The following ATF3 variants were observed in gnomAD, a reference collection of about 807,000 sequenced individuals.
ATF3 encodes the protein cyclic AMP-dependent transcription factor ATF-3.
Under a neutral mutation model 18.4 loss-of-function variants are expected in ATF3, and 10 were observed. The observed-to-expected ratio is 0.54, with a 90% CI of 0.34 to 0.92. The LOEUF (loss-of-function observed/expected upper bound fraction) is 0.92, where lower values mean the gene tolerates loss of function less well. Ranked by LOEUF, ATF3 falls within the 40% of genes least tolerant of loss-of-function variation. The probability of loss-of-function intolerance (pLI) is 0.02; values close to 1 mark genes in which losing one functional copy is unlikely to be tolerated. For synonymous variants in ATF3, 78 were observed against 87.9 expected, an observed-to-expected ratio of 0.89 and a Z score of 0.63; for missense variants, 183 against 222.3, an observed-to-expected ratio of 0.82 and a Z score of 1.12.
At chr1:212,582,113 T>G (rs1167222119) in intron 1 of ATF3, among the ~76,000 whole-genome samples, 1 of 152,170 alleles carries the variant, frequency 6.6e-6, no homozygotes, top group Non-Finnish European at 1.5e-5. Flanking sequence ...CAGGTAAGCA[T>G]GAATTTCAAA....
chr1:212,572,443 C>T (rs986932345), intron 1 of ATF3, among the ~76,000 whole-genome samples: 1 of 152,082 alleles, frequency 6.6e-6, no homozygotes, highest in Non-Finnish European at 1.5e-5. Context: ...GGCTTGAACC[C>T]GGGAGGCGGA....
At chr1:212,597,774 C>T (rs145763111) in intron 1 of ATF3, among the ~76,000 whole-genome samples, 2 of 151,708 alleles carry the variant, frequency 1.3e-5, no homozygotes, top group East Asian at 1.9e-4. Context: ...GATGAGTACA[C>T]TTTGGATTTC....
At chr1:212,571,789 G>C (rs1664487683) in intron 1 of ATF3, among the ~76,000 whole-genome samples, 2 of 148,808 alleles carry the variant, frequency 1.3e-5, no homozygotes, top group Non-Finnish European at 3.0e-5. Flanking sequence ...TCGGCCCACT[G>C]CAAGCTCCGC....
At chr1:212,609,324 C>G (rs751656307) in intron 1 of ATF3, among the ~76,000 whole-genome samples, 1 of 150,566 alleles carries the variant, frequency 6.6e-6, no homozygotes, top group Non-Finnish European at 1.5e-5. Flanking sequence ...CGCCGTCCCG[C>G]TCCATCCCTC....
At chr1:212,574,471 TATA>T (rs1664538685) in intron 1 of ATF3, among the ~76,000 whole-genome samples, 1 of 152,088 alleles carries the variant, frequency 6.6e-6, no homozygotes, top group Non-Finnish European at 1.5e-5. Flanking sequence ...TCTCCTGTTC[TATA>T]ATATCTTTTC....
rs893334506 is a variant in ATF3 at position 212,575,644 on chromosome 1, T to C, written c.-5+10161T>C. Among the ~76,000 whole-genome samples, 18 of 152,264 alleles carry C rather than the reference T, an allele frequency of 1.2e-4. 1 individual carries two copies. The South Asian group carries it at 3.5e-3, about 30-fold the overall frequency. On this transcript the variant is annotated intron_variant, in intron 1 of 3. Transcript: ENST00000366981. ...TACCAATTAATATAATATTTGCTTG[T>C]AGAGTTTTGATGTATAGCCTTTGTC...
At chr1:212,613,194 G>T (rs1029464598) in intron 1 of ATF3, among the ~76,000 whole-genome samples, 2 of 152,128 alleles carry the variant, frequency 1.3e-5, no homozygotes, top group African/African-American at 4.8e-5. Context: ...GTGACATAAA[G>T]ATTAGCAGTT....
Position 212,618,308 on chromosome 1 carries a change from A to G in ATF3, c.348+74A>G, listed in dbSNP as rs1229604786. 2 of 1,473,614 alleles carry G rather than the reference A, an allele frequency of 1.4e-6. No individual in the cohort carries two copies. Among genetic ancestry groups the G allele is most frequent in the Non-Finnish European group, 1.9e-6 (2 of 1,053,138 alleles). The allele number at this position is 1,473,614 out of a possible 1,614,324, so 91.3% of individuals were successfully genotyped here. A position where few individuals can be genotyped will look rare whatever the true frequency, so the allele number is the denominator to read the frequency against. On this transcript the variant is annotated intron_variant, in intron 3 of 3. Transcript: ENST00000341491. This position sits in a 1 kb window ranked among gnomAD's most constrained non-coding sequence, Gnocchi z 4.4. The stretch of plus-strand genomic sequence containing the variant: ...CCAGCTTCATGTGGCTATCAGAAGA[A>G]GAGTTAGAAAACCCCCTACTTGGTT...
At chr1:212,580,576 G>A (rs992549995) in intron 1 of ATF3, among the ~76,000 whole-genome samples, 1 of 152,078 alleles carries the variant, frequency 6.6e-6, no homozygotes, top group Non-Finnish European at 1.5e-5. Context: ...AAAGCACTGG[G>A]ATTACAGGCG....
intron 1 of ATF3, among the ~76,000 whole-genome samples, chr1:212,575,085 A>C (rs78027045): frequency 0.027 from 4,077 of 152,134 alleles, 188 homozygotes; most frequent in African/African-American, 0.091. Flanking sequence ...GAGATGGCTA[A>C]TATTTTTATG....
In ATF3 at chr1:212,609,552, G is replaced by A. The variant is rs187281469; in HGVS notation, c.-5+622G>A. Reference sequence around the variant, plus strand: ...GCGGCAGGACCGTGAAGGCAACCCCGAGAAAAAGTTAGCTGGGATAAGCTT... The same window carrying A: ...GCGGCAGGACCGTGAAGGCAACCCCAAGAAAAAGTTAGCTGGGATAAGCTT... On this transcript the variant is annotated intron_variant, in intron 1 of 3. Coordinates refer to ENST00000341491, the MANE Select transcript of ATF3 (RefSeq NM_001674.4). 9.2e-5 allele frequency among the ~76,000 whole-genome samples: 14 copies of A among 152,342 alleles called. No individual in the cohort carries two copies. The East Asian group carries it at 2.5e-3, about 27-fold the overall frequency.
intron 1 of ATF3, among the ~76,000 whole-genome samples, chr1:212,600,096 C>T (rs755377368): frequency 3.9e-5 from 6 of 152,344 alleles, no homozygotes; most frequent in East Asian, 1.9e-4. Flanking sequence ...GAACAACATA[C>T]GAGAGTGGGG....
At chr1:212,597,111 A>C (rs1479423355) in intron 1 of ATF3, among the ~76,000 whole-genome samples, 1 of 152,216 alleles carries the variant, frequency 6.6e-6, no homozygotes, top group East Asian at 1.9e-4. Flanking sequence ...TGAGAGAAAG[A>C]GGTGGTTTGT....
At position 212,618,131 on chromosome 1, in the gene ATF3, C is replaced by T. The variant is rs1003046898; in HGVS notation, c.245C>T (p.Ala82Val). The change falls in exon 3 of 4, where the codon GCC becomes GTC. Residue 82 changes from alanine to valine, a missense_variant. By Grantham distance (64) the Ala-to-Val change is moderately conservative. Coordinates refer to ENST00000341491, the MANE Select transcript of ATF3 (RefSeq NM_001674.4). This position sits in a 1 kb window ranked among gnomAD's most constrained non-coding sequence, Gnocchi z 4.4. ...LGVSITKAEV[A>V]PEEDERKKRR... is the part of the protein sequence containing the mutation. ...TGTTTCTTTTGGATTTTACAGGTAG[C>T]CCCTGAAGAAGATGAAAGGAAAAAG... 1.2e-6 allele frequency: 2 copies of T among 1,613,994 alleles called. No homozygotes were observed. Among genetic ancestry groups the T allele is most frequent in the East Asian group, 4.5e-5 (2 of 44,876 alleles).
At chr1:212,586,890 A>G (rs1191690507) in intron 1 of ATF3, among the ~76,000 whole-genome samples, 5 of 152,178 alleles carry the variant, frequency 3.3e-5, no homozygotes, top group Non-Finnish European at 5.9e-5. Context: ...AGTTTCACCC[A>G]AGTCCCTGCA....
At position 212,619,585 on chromosome 1, in the gene ATF3, TC is replaced by T. The variant is rs2102668214; in HGVS notation, c.*32del. 2 of 1,611,150 alleles carry T rather than the reference TC, an allele frequency of 1.2e-6. No individual in the cohort carries two copies. Among genetic ancestry groups the T allele is most frequent in the East Asian group, 4.5e-5 (2 of 44,786 alleles). Reference sequence around the variant, plus strand: ...TCGTGGTATGGGGGCGACTGGGGAGTCCTCATTGAATCCTCATTTTATACCC... The same window carrying T: ...TCGTGGTATGGGGGCGACTGGGGAGTCTCATTGAATCCTCATTTTATACCC... On this transcript the variant is annotated 3_prime_UTR_variant, in exon 4 of 4. Transcript: ENST00000341491. The surrounding 1 kb of genome is among the most constrained non-coding windows in gnomAD (Gnocchi z 4.4).
intron 1 of ATF3, among the ~76,000 whole-genome samples, chr1:212,569,615 T>C (rs1248126083): frequency 6.6e-6 from 1 of 152,108 alleles, no homozygotes; most frequent in Admixed American, 6.5e-5. Flanking sequence ...CTTTTTTTTT[T>C]CACTCGAAAT....
chr1:212,614,510 T>C (rs1348359968), intron 1 of ATF3, among the ~76,000 whole-genome samples: 3 of 151,218 alleles, frequency 2.0e-5, no homozygotes, highest in African/African-American at 7.3e-5. Flanking sequence ...CACTCACTGA[T>C]AGTTTCAGCT....
intron 1 of ATF3, among the ~76,000 whole-genome samples, chr1:212,585,991 G>T (rs973287256): frequency 5.3e-5 from 8 of 152,132 alleles, no homozygotes; most frequent in Admixed American, 1.3e-4. Flanking sequence ...GTCTCCAGTG[G>T]CCTTGGCATT....
Sources: gnomAD v4.1 joint callset for allele counts (sites outside exome capture counted in the v4.1 genomes callset) on GRCh38, gnomAD v4.1.1 for gene constraint, Gnocchi (gnomAD v3.1) non-coding constraint, MANE v1.5 for transcripts, NCBI Gene and HGNC (gene_info 2026-07-23, HGNC 2026-07-21) for gene names.